STK32B: variants seen among roughly 807,000 people sequenced by gnomAD.
STK32B encodes serine/threonine-protein kinase 32B.
STK32B carries 43 observed loss-of-function variants against 52.6 expected under a neutral mutation model. That is an observed-to-expected ratio of 0.82 (90% CI 0.64 to 1.05). The LOEUF (loss-of-function observed/expected upper bound fraction) is 1.05, where lower values mean the gene tolerates loss of function less well. STK32B is among the 50% of genes least tolerant of loss of function. The pLI, the probability that STK32B is intolerant of heterozygous loss-of-function variation, is 0.00. For synonymous variants in STK32B, 238 were observed against 204.3 expected (o/e 1.17, Z -1.41); for missense variants, 621 against 534.6 (o/e 1.16, Z -1.59).
chr4:5,423,104 G>T (rs1712781704), intron 6 of STK32B, among the ~76,000 whole-genome samples: 1 of 152,126 alleles, frequency 6.6e-6, no homozygotes, highest in Non-Finnish European at 1.5e-5. Flanking sequence ...ACCAGTGGAA[G>T]GTTCAGTGCT....
At chr4:5,445,886 A>C (rs1294717261) in intron 6 of STK32B, among the ~76,000 whole-genome samples, 1 of 149,872 alleles carries the variant, frequency 6.7e-6, no homozygotes, top group African/African-American at 2.5e-5. Context: ...GGATTTACTC[A>C]TTGTGGGTAT....
chr4:5,211,688 C>A (rs186723646), intron 3 of STK32B, among the ~76,000 whole-genome samples: 1 of 152,248 alleles, frequency 6.6e-6, no homozygotes, highest in Admixed American at 6.5e-5. Context: ...TGCAATGACC[C>A]CATGAGGTCA....
At chr4:5,175,633 A>G (rs981530766) in intron 3 of STK32B, among the ~76,000 whole-genome samples, 2 of 152,180 alleles carry the variant, frequency 1.3e-5, no homozygotes, top group African/African-American at 2.4e-5. Flanking sequence ...GGTGAACCGC[A>G]AATGCTGCTG....
intron 4 of STK32B, among the ~76,000 whole-genome samples, chr4:5,336,121 G>C (rs16837031): frequency 2.1e-5 from 3 of 145,884 alleles, no homozygotes; most frequent in African/African-American, 7.8e-5. Flanking sequence ...CAATGGCAAT[G>C]TTATCTGAAC....
At chr4:5,413,672 G>C (rs1403110638) in intron 5 of STK32B, among the ~76,000 whole-genome samples, 2 of 152,178 alleles carry the variant, frequency 1.3e-5, no homozygotes, top group African/African-American at 4.8e-5. Flanking sequence ...TAGGCTAGGA[G>C]AAAATATTTG....
At chr4:5,392,714 C>T (rs904356252) in intron 4 of STK32B, among the ~76,000 whole-genome samples, 1 of 152,162 alleles carries the variant, frequency 6.6e-6, no homozygotes, top group African/African-American at 2.4e-5. Flanking sequence ...AGTAGCAATA[C>T]CTATCTCTAA....
At chr4:5,212,317 G>T (rs1041019251) in intron 3 of STK32B, among the ~76,000 whole-genome samples, 1 of 152,106 alleles carries the variant, frequency 6.6e-6, no homozygotes, top group Non-Finnish European at 1.5e-5. Flanking sequence ...ATTCAGACCC[G>T]AGCAGTCAAG....
At chr4:5,483,230 G>T (rs540659098) in intron 11 of STK32B, among the ~76,000 whole-genome samples, 1 of 150,752 alleles carries the variant, frequency 6.6e-6, no homozygotes, top group Admixed American at 6.6e-5. Context: ...ACTCTTTTTG[G>T]TTGGTAAGCT....
intron 1 of STK32B, among the ~76,000 whole-genome samples, chr4:5,062,934 A>C (rs1159362396): frequency 6.6e-6 from 1 of 152,190 alleles, no homozygotes; most frequent in African/African-American, 2.4e-5. Context: ...GCTGCCATCT[A>C]TTCATTTTCA....
intron 1 of STK32B, among the ~76,000 whole-genome samples, chr4:5,054,383 G>C (rs1307777209): frequency 1.3e-5 from 2 of 152,070 alleles, no homozygotes; most frequent in Non-Finnish European, 2.9e-5. Flanking sequence ...TCCTCTTTTA[G>C]ACTGGCATCT....
At chr4:5,101,703 A>T (rs1713796742) in intron 1 of STK32B, among the ~76,000 whole-genome samples, 1 of 152,020 alleles carries the variant, frequency 6.6e-6, no homozygotes. Context: ...TTGCATTTCC[A>T]CCCTCTGGGA....
intron 4 of STK32B, among the ~76,000 whole-genome samples, chr4:5,397,329 C>T (rs1408831962): frequency 1.3e-5 from 2 of 152,304 alleles, no homozygotes; most frequent in East Asian, 3.9e-4. Flanking sequence ...CACTTTCATT[C>T]CTCCATCCTT....
At chr4:5,367,797 A>G (rs570465363) in intron 4 of STK32B, among the ~76,000 whole-genome samples, 1 of 152,244 alleles carries the variant, frequency 6.6e-6, no homozygotes, top group East Asian at 1.9e-4. Flanking sequence ...AGCAGAGCCC[A>G]TCTTGGGTGG....
chr4:5,162,982 C>T lies in STK32B; in HGVS notation c.109-5317C>T, dbSNP rs1445396712. On this transcript the variant is annotated intron_variant, in intron 2 of 11. Transcript: ENST00000282908. ...TTTGAGCAGGGAAGAACGGAAGCCT[C>T]TTCCTACACTGTACACATGGAATCA... 6.6e-5 allele frequency among the ~76,000 whole-genome samples: 10 copies of T among 152,184 alleles called. 1 individual carries two copies. The highest frequency in any genetic ancestry group is 1.3e-4 in the Non-Finnish European group (9 of 68,036).
At chr4:5,424,825 A>AT (rs1712948737) in intron 6 of STK32B, among the ~76,000 whole-genome samples, 1 of 152,182 alleles carries the variant, frequency 6.6e-6, no homozygotes, top group African/African-American at 2.4e-5. Flanking sequence ...CACAAGAAGG[A>AT]GAGAAGGGAG....
chr4:5,093,809 T>C (rs1242599190), intron 1 of STK32B, among the ~76,000 whole-genome samples: 1 of 152,220 alleles, frequency 6.6e-6, no homozygotes. Context: ...CTTGTAGTTC[T>C]GGAATATTTT....
chr4:5,026,001 G>A, the STK32B span, among the ~76,000 whole-genome samples: 3 of 152,136 alleles, frequency 2.0e-5, no homozygotes, highest in South Asian at 2.1e-4. Flanking sequence ...CTCTTAAGCC[G>A]CCTCCCTTCC....
chr4:5,156,010 C>T (rs1372433261), intron 2 of STK32B, among the ~76,000 whole-genome samples: 3 of 151,816 alleles, frequency 2.0e-5, no homozygotes, highest in Non-Finnish European at 4.4e-5. Context: ...ACCCACTAAA[C>T]AGTATATATG....
chr4:5,442,965 G>A lies in STK32B; in HGVS notation c.563-3708G>A, dbSNP rs1189771296. Among the ~76,000 whole-genome samples the A allele has an allele frequency of 2.8e-4, 42 of 151,864 alleles. 1 individual carries two copies. Among genetic ancestry groups the A allele is most frequent in the East Asian group, 1.8e-3 (9 of 5,132 alleles). On this transcript the variant is annotated intron_variant, in intron 6 of 11. Coordinates refer to ENST00000282908, the MANE Select transcript of STK32B (RefSeq NM_018401.3). ...TCTTCTGGCTTGTAGGGTGTCTGCCGAGAGATCCGCTGTTAGTCTGATGGG... is the reference window on the plus strand; with the variant it reads ...TCTTCTGGCTTGTAGGGTGTCTGCCAAGAGATCCGCTGTTAGTCTGATGGG...
Sources: allele counts gnomAD v4.1 joint callset (sites outside exome capture counted in the v4.1 genomes callset), GRCh38; gene constraint gnomAD v4.1.1; transcripts MANE v1.5; gene names NCBI Gene and HGNC (gene_info 2026-07-23, HGNC 2026-07-21).